ZBTB20: variants seen among roughly 807,000 people sequenced by gnomAD.
ZBTB20 encodes zinc finger and BTB domain-containing protein 20.
In ZBTB20, 9 loss-of-function variants were observed where a neutral mutation model predicts 56.9. The observed-to-expected ratio is 0.16, with a 90% confidence interval of 0.10 to 0.28. ZBTB20 has a LOEUF of 0.28. ZBTB20 is among the 10% of genes least tolerant of loss of function. The pLI is 1.00. For missense variants in ZBTB20, 655 were observed against 1,003.0 expected (o/e 0.65, Z 4.69); for synonymous variants, 417 against 420.7 (o/e 0.99, Z 0.11).
chr3:114,879,823 C>A (rs1340453479), intron 4 of ZBTB20, among the ~76,000 whole-genome samples: 1 of 152,134 alleles, frequency 6.6e-6, no homozygotes, highest in Non-Finnish European at 1.5e-5. Context: ...GCCAACATCA[C>A]CTGTGCTGGA....
intron 3 of ZBTB20, among the ~76,000 whole-genome samples, chr3:114,969,103 T>C (rs1265057308): frequency 2.0e-5 from 3 of 152,222 alleles, no homozygotes; most frequent in Non-Finnish European, 2.9e-5. Context: ...ATGTGCTTAT[T>C]ATATCTCCCT....
intron 6 of ZBTB20, among the ~76,000 whole-genome samples, chr3:114,645,842 T>G (rs1037020839): frequency 6.6e-6 from 1 of 152,170 alleles, no homozygotes; most frequent in African/African-American, 2.4e-5. Context: ...GTATAAAAAC[T>G]ATCTATAAAG....
At chr3:114,534,429 G>A (rs2048227220) in intron 6 of ZBTB20, among the ~76,000 whole-genome samples, 1 of 152,194 alleles carries the variant, frequency 6.6e-6, no homozygotes, top group Non-Finnish European at 1.5e-5. Context: ...AATGCAACAA[G>A]AAGAGCTAAC....
intron 2 of ZBTB20, among the ~76,000 whole-genome samples, chr3:115,047,958 C>T (rs2081393466): frequency 6.6e-6 from 1 of 152,066 alleles, no homozygotes; most frequent in Admixed American, 6.5e-5. Flanking sequence ...CGGTGGCTCA[C>T]GTCTGTAATC....
At chr3:115,117,733 GT>G (rs1376794542) in intron 1 of ZBTB20, among the ~76,000 whole-genome samples, 1 of 151,628 alleles carries the variant, frequency 6.6e-6, no homozygotes, top group East Asian at 1.9e-4. Flanking sequence ...TATCTCACAA[GT>G]TTTCCTGTCA....
intron 7 of ZBTB20, among the ~76,000 whole-genome samples, chr3:114,414,407 T>C (rs1231845905): frequency 6.6e-6 from 1 of 152,108 alleles, no homozygotes; most frequent in Non-Finnish European, 1.5e-5. Context: ...GAAGAAACAT[T>C]AGAGAAGAAT....
At chr3:114,920,615 A>G (rs1349565604) in intron 3 of ZBTB20, among the ~76,000 whole-genome samples, 2 of 152,186 alleles carry the variant, frequency 1.3e-5, no homozygotes, top group Non-Finnish European at 2.9e-5. Flanking sequence ...ACACAACAAG[A>G]GGGAAGGACA....
chr3:115,088,752 T>G (rs2083081343), intron 1 of ZBTB20, among the ~76,000 whole-genome samples: 1 of 151,824 alleles, frequency 6.6e-6, no homozygotes, highest in Non-Finnish European at 1.5e-5. Context: ...GAGTCAGTTT[T>G]TAGATGTTAT....
chr3:114,772,277 G>A (rs981794040), intron 5 of ZBTB20, among the ~76,000 whole-genome samples: 30 of 152,030 alleles, frequency 2.0e-4, no homozygotes, highest in African/African-American at 6.8e-4. Flanking sequence ...GGAGATGGAG[G>A]TGCAGTGAGC....
chr3:114,678,357 T>G lies in ZBTB20; in HGVS notation c.-295+15171A>C, dbSNP rs564835154. Among the ~76,000 whole-genome samples the G allele has an allele frequency of 2.0e-4, 30 of 152,328 alleles. No homozygotes were observed. The East Asian group carries it at 5.6e-3, about 28-fold the overall frequency. ...TTTAAAATGCACACATAAAATGCAC[T>G]TAAAATTGATCCTACTGTATTAAGG... On this transcript the variant is annotated intron_variant, in intron 6 of 11. Transcript: ENST00000675478.
chr3:114,517,591 T>C (rs1223081929), intron 6 of ZBTB20, among the ~76,000 whole-genome samples: 1 of 152,022 alleles, frequency 6.6e-6, no homozygotes, highest in Non-Finnish European at 1.5e-5. Context: ...TCTTTTTTTT[T>C]TTTTTGACCA....
chr3:115,121,495 GA>G (rs917756196), intron 1 of ZBTB20, among the ~76,000 whole-genome samples: 2 of 150,774 alleles, frequency 1.3e-5, no homozygotes, highest in African/African-American at 4.9e-5. Context: ...GAGGCAAAAA[GA>G]AAAAAAAGAC....
chr3:114,487,747 A>T (rs1297446065), intron 7 of ZBTB20, among the ~76,000 whole-genome samples: 1 of 152,192 alleles, frequency 6.6e-6, no homozygotes, highest in Non-Finnish European at 1.5e-5. Flanking sequence ...TGGTATTTCC[A>T]ATTCTCTAGC....
chr3:114,903,790 G>A (rs2075216791), intron 3 of ZBTB20, among the ~76,000 whole-genome samples: 1 of 151,924 alleles, frequency 6.6e-6, no homozygotes. Flanking sequence ...AATGGTCTTA[G>A]CAATCACATG....
intron 4 of ZBTB20, among the ~76,000 whole-genome samples, chr3:114,895,063 G>A (rs1317410775): frequency 6.6e-6 from 1 of 151,812 alleles, no homozygotes; most frequent in East Asian, 1.9e-4. Flanking sequence ...AGAGGAAAAT[G>A]GTTTACTATA....
At chr3:114,702,447 T>C (rs1436617751) in intron 5 of ZBTB20, among the ~76,000 whole-genome samples, 1 of 151,908 alleles carries the variant, frequency 6.6e-6, no homozygotes, top group Non-Finnish European at 1.5e-5. Context: ...TATAAACCTA[T>C]AAATATACAC....
intron 7 of ZBTB20, among the ~76,000 whole-genome samples, chr3:114,466,070 A>G (rs1048748728): frequency 6.6e-6 from 1 of 152,108 alleles, no homozygotes; most frequent in African/African-American, 2.4e-5. Context: ...ACAGGCCAGG[A>G]CTAGATACTT....
intron 2 of ZBTB20, among the ~76,000 whole-genome samples, chr3:115,042,881 C>A (rs576267667): frequency 1.3e-5 from 2 of 152,248 alleles, no homozygotes; most frequent in South Asian, 4.1e-4. Flanking sequence ...TATGATCATA[C>A]CCCATTTTTT....
At chr3:115,072,595 G>A (rs896270475) in intron 1 of ZBTB20, among the ~76,000 whole-genome samples, 2 of 152,186 alleles carry the variant, frequency 1.3e-5, no homozygotes, top group Non-Finnish European at 2.9e-5. Flanking sequence ...GGATATCCAT[G>A]TTTAAAGAGG....
Sources: gnomAD v4.1 joint callset for allele counts (sites outside exome capture counted in the v4.1 genomes callset) on GRCh38, gnomAD v4.1.1 for gene constraint, MANE v1.5 for transcripts, NCBI Gene and HGNC (gene_info 2026-07-23, HGNC 2026-07-21) for gene names.